ABI2: variants seen among roughly 807,000 people sequenced by gnomAD.
ABI2 encodes the protein abelson interactor 2.
Under a neutral mutation model 59.2 loss-of-function variants are expected in ABI2, and 25 were observed. That is an observed-to-expected ratio of 0.42 (90% confidence interval 0.31 to 0.59). ABI2 has a LOEUF of 0.59. Among genes scored for constraint, ABI2 ranks in the 20% least tolerant of loss-of-function variants. ABI2 has a pLI of 0.14. For missense variants in ABI2, 545 were observed against 681.8 expected (o/e 0.80, Z 2.23); for synonymous variants, 213 against 235.5 (o/e 0.90, Z 0.87).
chr2:203,345,189 C>T (rs940093467), intron 1 of ABI2, among the ~76,000 whole-genome samples: 1 of 152,158 alleles, frequency 6.6e-6, no homozygotes, highest in Non-Finnish European at 1.5e-5. Flanking sequence ...AGCTTCACTC[C>T]TGAAGCCAGC....
At chr2:203,355,566 A>C (rs2091480755) in intron 1 of ABI2, among the ~76,000 whole-genome samples, 1 of 151,960 alleles carries the variant, frequency 6.6e-6, no homozygotes, top group African/African-American at 2.4e-5. Context: ...GCAGTGGCTC[A>C]TGCCTGTAAT....
Position 203,373,761 on chromosome 2 carries a change from T to C in ABI2, c.286-6447T>C, listed in dbSNP as rs2095482493. 2.6e-5 allele frequency among the ~76,000 whole-genome samples: 4 copies of C among 152,242 alleles called. No homozygotes were observed. The South Asian group carries it at 8.3e-4, about 32-fold the overall frequency. ...GGTAACAATTAAAGGAGCTGGAAAA[T>C]AATTATCATAAAATAATATAAAATT... On this transcript the variant is annotated intron_variant, in intron 2 of 11. Coordinates refer to ENST00000261018, the MANE Select transcript of ABI2 (RefSeq NM_001375670.1).
At chr2:203,416,858 C>G (rs763339990) in intron 10 of ABI2, 50 bp from the exon 11 acceptor site, 2 of 1,504,286 alleles carry the variant, frequency 1.3e-6, no homozygotes, top group South Asian at 2.7e-5. Context: ...ATAGGAAATA[C>G]TGAACTTTGC....
intron 4 of ABI2, among the ~76,000 whole-genome samples, chr2:203,390,340 G>A (rs951755630): frequency 1.1e-4 from 16 of 152,212 alleles, no homozygotes; most frequent in African/African-American, 3.9e-4. Context: ...ACTATCTAAA[G>A]AAAGTTACTG....
rs996973393 is a variant in ABI2 at position 203,429,940 on chromosome 2, T to TAGTC, written c.*2589_*2592dup. 1.3e-5 allele frequency: 2 copies of TAGTC among 152,044 alleles called. No individual in the cohort carries two copies. The highest frequency in any genetic ancestry group is 4.8e-5 in the African/African-American group (2 of 41,398). The allele number at this position is 152,044 out of a possible 1,614,324, so 9.4% of individuals were successfully genotyped here. A position where few individuals can be genotyped will look rare whatever the true frequency, so the allele number is the denominator to read the frequency against. On this transcript the variant is annotated 3_prime_UTR_variant, in exon 12 of 12. Coordinates refer to ENST00000261018, the MANE Select transcript of ABI2 (RefSeq NM_001375670.1). ...GAAGACCTGTGGTTGGGAGCAGGGGTAGTCCATGGGTCTGCTGATTTTTTT... is the reference window on the plus strand; with the variant it reads ...GAAGACCTGTGGTTGGGAGCAGGGGTAGTCAGTCCATGGGTCTGCTGATTTTTTT...
intron 10 of ABI2, among the ~76,000 whole-genome samples, chr2:203,415,349 G>A (rs887009614): frequency 3.9e-5 from 6 of 152,090 alleles, no homozygotes; most frequent in African/African-American, 4.8e-5. Flanking sequence ...CGGGCGCGGT[G>A]GCTCACGCCT....
At chr2:203,362,966 G>T (rs905639996) in intron 1 of ABI2, among the ~76,000 whole-genome samples, 2 of 152,064 alleles carry the variant, frequency 1.3e-5, no homozygotes, top group Admixed American at 1.3e-4. Context: ...GAGGAGCTGG[G>T]ACTACAGGCA....
chr2:203,354,418 A>C (rs2090763302), intron 1 of ABI2, among the ~76,000 whole-genome samples: 1 of 152,136 alleles, frequency 6.6e-6, no homozygotes, highest in Non-Finnish European at 1.5e-5. Context: ...TTACCTGTGA[A>C]TCTATCTTTA....
At chr2:203,338,908 C>CTGTGTGTGTGTGTGTGTGTGTGTG (rs148766477) in intron 1 of ABI2, among the ~76,000 whole-genome samples, 6 of 64,032 alleles carry the variant, frequency 9.4e-5, no homozygotes, top group African/African-American at 4.5e-4. Flanking sequence ...GGGTTTATAT[C>CTGTGTGTGTGTGTGTGTGTGTGTG]TGTGTGTGTG....
At position 203,358,234 on chromosome 2, in the gene ABI2, A is replaced by G. The variant is rs112389929; in HGVS notation, c.118-8643A>G. On this transcript the variant is annotated intron_variant, in intron 1 of 11. Transcript: ENST00000261018. ...AGCTTTGAACTCCTGGGCTCAAGTG[A>G]TCCTCCCTTCTCTGCCTCCCAAGTA... Among the ~76,000 whole-genome samples, 1,302 of 151,298 alleles carry G rather than the reference A, an allele frequency of 8.6e-3. 15 individuals are homozygous for G. Among genetic ancestry groups the G allele is most frequent in the African/African-American group, 0.03 (1,251 of 41,176 alleles).
intron 2 of ABI2, among the ~76,000 whole-genome samples, chr2:203,373,601 C>T (rs1460394506): frequency 1.3e-5 from 2 of 152,052 alleles, no homozygotes; most frequent in African/African-American, 4.8e-5. Context: ...TATCCATGTT[C>T]AAGTTTGTCA....
rs899424773 is a variant in ABI2, at chr2:203,408,690, G to A, written c.1193-2595G>A. Among the ~76,000 whole-genome samples the A allele has an allele frequency of 6.6e-5, 10 of 151,956 alleles. No homozygotes were observed. In the South Asian group the frequency reaches 1.5e-3, roughly 22 times the overall value. On this transcript the variant is annotated intron_variant, in intron 9 of 11. Coordinates refer to ENST00000261018, the MANE Select transcript of ABI2 (RefSeq NM_001375670.1). The stretch of plus-strand genomic sequence containing the variant: ...GAAATTTCCCACTTTTCTGTTACAC[G>A]GAAGGTTAGGTTACATGCCAACAGA...
At chr2:203,403,742 G>GTTTTTT (rs56123341) in intron 9 of ABI2, among the ~76,000 whole-genome samples, 8 of 95,300 alleles carry the variant, frequency 8.4e-5, no homozygotes, top group African/African-American at 2.0e-4. Flanking sequence ...CTTTCTTTCT[G>GTTTTTT]TTTTTTTTTT....
chr2:203,428,112 G>A lies in ABI2; in HGVS notation c.*760G>A, dbSNP rs998552234. 2.6e-5 allele frequency: 4 copies of A among 152,262 alleles called. No homozygotes were observed. The highest frequency in any genetic ancestry group is 4.4e-5 in the Non-Finnish European group (3 of 68,052). The allele number at this position is 152,262 out of a possible 1,614,324, so 9.4% of individuals were successfully genotyped here. A position where few individuals can be genotyped will look rare whatever the true frequency, so the allele number is the denominator to read the frequency against. ...AATGGCCAGTGTACCCAGATGTGAA[G>A]TGTGGTAGGCTGGTTCATATGTGGA... On this transcript the variant is annotated 3_prime_UTR_variant, in exon 12 of 12. Transcript: ENST00000261018.
chr2:203,358,521 C>T (rs2092775533), intron 1 of ABI2, among the ~76,000 whole-genome samples: 1 of 152,094 alleles, frequency 6.6e-6, no homozygotes, highest in African/African-American at 2.4e-5. Flanking sequence ...TGTGAAGGAA[C>T]AGGAATCACT....
intron 6 of ABI2, among the ~76,000 whole-genome samples, chr2:203,395,448 T>TATATACACACACAC (rs750379504): frequency 0.056 from 6,442 of 115,134 alleles, 243 homozygotes; most frequent in Non-Finnish European, 0.076. Flanking sequence ...TATATATATA[T>TATATACACACACAC]ACACACACAC....
intron 9 of ABI2, among the ~76,000 whole-genome samples, chr2:203,409,659 T>C (rs1316060434): frequency 6.6e-6 from 1 of 152,224 alleles, no homozygotes; most frequent in Non-Finnish European, 1.5e-5. Flanking sequence ...CCCACACTTT[T>C]AAAGTTCTCT....
At chr2:203,383,073 AT>A (rs529010856) in intron 4 of ABI2, among the ~76,000 whole-genome samples, 6 of 151,668 alleles carry the variant, frequency 4.0e-5, no homozygotes, top group East Asian at 3.9e-4. Flanking sequence ...TTCTTCTTTG[AT>A]TTTTTTTTGT....
chr2:203,418,386 A>G (rs2098009627), intron 11 of ABI2, among the ~76,000 whole-genome samples: 1 of 152,228 alleles, frequency 6.6e-6, no homozygotes, highest in African/African-American at 2.4e-5. Flanking sequence ...CAATCAAGGT[A>G]TCAGCTGAGG....
Sources: gnomAD v4.1 joint callset for allele counts (sites outside exome capture counted in the v4.1 genomes callset) on GRCh38, gnomAD v4.1.1 for gene constraint, MANE v1.5 for transcripts, NCBI Gene and HGNC (gene_info 2026-07-23, HGNC 2026-07-21) for gene names.